The following SIPA1L1 variants were observed in gnomAD, a reference collection of about 807,000 sequenced individuals.
SIPA1L1 encodes the protein signal-induced proliferation-associated 1-like protein 1.
In SIPA1L1, 26 loss-of-function variants were observed where a neutral mutation model predicts 162.7. That is an observed-to-expected ratio of 0.16 (90% CI 0.12 to 0.22). SIPA1L1 has a LOEUF of 0.22. SIPA1L1 is among the 10% of genes least tolerant of loss of function. The pLI is 1.00. For missense variants in SIPA1L1, 1,874 were observed against 2,241.0 expected (o/e 0.84, Z 3.31); for synonymous variants, 829 against 837.4 (o/e 0.99, Z 0.17).
chr14:71,638,462 A>G (rs970136590), intron 7 of SIPA1L1, among the ~76,000 whole-genome samples: 1 of 152,252 alleles, frequency 6.6e-6, no homozygotes, highest in African/African-American at 2.4e-5. Flanking sequence ...CAATTGGTGC[A>G]GAAAAAGCAT....
chr14:71,672,613 C>T lies in SIPA1L1; in HGVS notation c.3095C>T (p.Thr1032Ile). 6.2e-7 allele frequency: 1 copy of T among 1,613,442 alleles called. No homozygotes were observed. Among genetic ancestry groups the T allele is most frequent in the East Asian group, 2.2e-5 (1 of 44,864 alleles). The change falls in exon 12 of 24, where the codon ACC becomes ATC. Residue 1032 changes from threonine to isoleucine, a missense_variant. This residue lies in a region of SIPA1L1 where 936 missense variants were observed against 1,051.9 expected (regional missense o/e 0.89). Coordinates refer to ENST00000381232, the MANE Select transcript of SIPA1L1 (RefSeq NM_001386936.1). ...ATCATTCCCCCGCATGATGACTGCA[C>T]CCCGCGGAGGTAGGTCTGAGGAGAC... is the stretch of plus-strand genomic sequence containing the variant. ...VVIIPPHDDC[T>I]PRRSCSETYR...
At chr14:71,387,786 C>T (rs192068479) in intron 2 of SIPA1L1, among the ~76,000 whole-genome samples, 4 of 152,272 alleles carry the variant, frequency 2.6e-5, no homozygotes, top group East Asian at 1.9e-4. Flanking sequence ...CGTAACCCTT[C>T]GTTGCTTAAA....
intron 2 of SIPA1L1, among the ~76,000 whole-genome samples, chr14:71,512,364 C>A (rs1221613274): frequency 6.6e-6 from 1 of 151,912 alleles, no homozygotes; most frequent in Admixed American, 6.6e-5. Flanking sequence ...AAAATATGTT[C>A]TTTCACGAGG....
At chr14:71,590,229 A>G (rs778910517) in intron 5 of SIPA1L1, among the ~76,000 whole-genome samples, 23 of 151,854 alleles carry the variant, frequency 1.5e-4, no homozygotes, top group African/African-American at 5.1e-4. Flanking sequence ...AGCAGCGTTA[A>G]TTAAGGAATG....
At chr14:71,661,563 G>A (rs1305396365) in intron 10 of SIPA1L1, 96 bp downstream of exon 10, 2 of 1,271,070 alleles carry the variant, frequency 1.6e-6, no homozygotes, top group Non-Finnish European at 2.2e-6. Flanking sequence ...GCAATGGGAA[G>A]TCTATTACTA....
chr14:71,621,036 C>T (rs1174253371), intron 6 of SIPA1L1, among the ~76,000 whole-genome samples: 2 of 152,166 alleles, frequency 1.3e-5, no homozygotes, highest in East Asian at 3.9e-4. Flanking sequence ...ACACTTTATT[C>T]CCATCTTCTC....
rs147460012 is a variant in SIPA1L1 at position 71,659,532 on chromosome 14, A to G, written c.2097+1096A>G. Among the ~76,000 whole-genome samples, 282 of 152,282 alleles carry G rather than the reference A, an allele frequency of 1.9e-3. 2 individuals carry two copies. Among genetic ancestry groups the G allele is most frequent in the African/African-American group, 6.6e-3 (273 of 41,568 alleles). On this transcript the variant is annotated intron_variant, in intron 9 of 23. Coordinates refer to ENST00000381232, the MANE Select transcript of SIPA1L1 (RefSeq NM_001386936.1). ...ATAATTTGTTTTATGCAAATTCCAG[A>G]TTTTAGCTCTCTTTGAAAGAAAAAC...
chr14:71,647,553 G>A (rs554948402), intron 7 of SIPA1L1, among the ~76,000 whole-genome samples: 1 of 152,198 alleles, frequency 6.6e-6, no homozygotes, highest in East Asian at 1.9e-4. Context: ...CCTGTTGCAA[G>A]CGAAGGCTGT....
At chr14:71,345,528 A>G (rs1333840100) in intron 2 of SIPA1L1, among the ~76,000 whole-genome samples, 1 of 151,260 alleles carries the variant, frequency 6.6e-6, no homozygotes, top group Admixed American at 6.6e-5. Flanking sequence ...TTAGACCTTG[A>G]AGGCCAGGAC....
At chr14:71,466,580 G>GAAA (rs201849523) in intron 2 of SIPA1L1, among the ~76,000 whole-genome samples, 1 of 118,118 alleles carries the variant, frequency 8.5e-6, no homozygotes. Flanking sequence ...GAGCCATACT[G>GAAA]AAAAAAAAAA....
intron 5 of SIPA1L1, among the ~76,000 whole-genome samples, chr14:71,604,736 C>T (rs1319971663): frequency 6.6e-6 from 1 of 151,820 alleles, no homozygotes; most frequent in African/African-American, 2.4e-5. Flanking sequence ...TCTCTACTGG[C>T]TTATAAGTTT....
At position 71,650,427 on chromosome 14, in the gene SIPA1L1, C is replaced by G. The variant is rs1250683236; in HGVS notation, c.1911C>G (p.Ala637=). 6.2e-7 allele frequency: 1 copy of G among 1,614,086 alleles called. No individual in the cohort carries two copies. The highest frequency in any genetic ancestry group is 1.1e-5 in the South Asian group (1 of 91,088). ...ACAACAATGAGTCAGCTGGCCCAGC[C>G]TTTGAAGAATTTCTTCAACTATTGG... is the stretch of plus-strand genomic sequence containing the variant. ...EMYNNESAGP[A]FEEFLQLLGE... is the part of the protein sequence containing the mutation. Residue 637 remains alanine, a synonymous_variant, in exon 8 of 24, where the codon GCC becomes GCG. Coordinates refer to ENST00000381232, the MANE Select transcript of SIPA1L1 (RefSeq NM_001386936.1).
At chr14:71,522,580 A>G (rs889944668) in intron 3 of SIPA1L1, among the ~76,000 whole-genome samples, 9 of 152,182 alleles carry the variant, frequency 5.9e-5, no homozygotes, top group African/African-American at 2.2e-4. Context: ...AAAAGTTTGA[A>G]GTTTTGGACC....
At chr14:71,332,689 G>A (rs181787707) in intron 2 of SIPA1L1, among the ~76,000 whole-genome samples, 2 of 152,252 alleles carry the variant, frequency 1.3e-5, no homozygotes, top group African/African-American at 4.8e-5. Flanking sequence ...TCCTGGGTTT[G>A]ATATTGATTG....
chr14:71,640,092 C>T (rs889119769), intron 7 of SIPA1L1, among the ~76,000 whole-genome samples: 11 of 151,964 alleles, frequency 7.2e-5, no homozygotes, highest in African/African-American at 2.4e-4. Flanking sequence ...TTAGTAGAGA[C>T]GGGGTTTCAC....
At chr14:71,737,290 T>C (rs887707482) in intron 22 of SIPA1L1, among the ~76,000 whole-genome samples, 2 of 152,170 alleles carry the variant, frequency 1.3e-5, no homozygotes, top group Admixed American at 1.3e-4. Context: ...AAAGAATACC[T>C]TTTACTCCGT....
intron 4 of SIPA1L1, among the ~76,000 whole-genome samples, chr14:71,538,984 C>T (rs1029377287): frequency 6.6e-6 from 1 of 152,190 alleles, no homozygotes; most frequent in Non-Finnish European, 1.5e-5. Context: ...TGGGAGAACA[C>T]AGTGGTCTAC....
At chr14:71,469,390 G>T (rs2047271713) in intron 2 of SIPA1L1, among the ~76,000 whole-genome samples, 1 of 152,120 alleles carries the variant, frequency 6.6e-6, no homozygotes, top group Admixed American at 6.6e-5. Flanking sequence ...TATTATTTTT[G>T]TTTTACCTGT....
At chr14:71,643,036 T>A (rs1384632985) in intron 7 of SIPA1L1, among the ~76,000 whole-genome samples, 1 of 151,222 alleles carries the variant, frequency 6.6e-6, no homozygotes, top group Non-Finnish European at 1.5e-5. Flanking sequence ...AATATTCATA[T>A]AATTGGAGAC....
Sources: gnomAD v4.1 joint callset for allele counts (sites outside exome capture counted in the v4.1 genomes callset) on GRCh38, gnomAD v4.1.1 for gene constraint, gnomAD v4.1.1 regional missense constraint, MANE v1.5 for transcripts, NCBI Gene and HGNC (gene_info 2026-07-23, HGNC 2026-07-21) for gene names.